The following SHPRH variants were observed in gnomAD, a reference collection of about 807,000 sequenced individuals.
SHPRH encodes the protein E3 ubiquitin-protein ligase SHPRH.
Under a neutral mutation model 202.5 loss-of-function variants are expected in SHPRH, and 106 were observed. That is an observed-to-expected ratio of 0.52 (90% CI 0.45 to 0.62). The LOEUF is 0.62. SHPRH is among the 20% of genes least tolerant of loss of function. The pLI is 0.00. For synonymous variants in SHPRH, 729 were observed against 686.0 expected (o/e 1.06, Z -0.98); for missense variants, 1,710 against 2,020.0 (o/e 0.85, Z 2.94).
chr6:145,922,876 GAAT>G lies in SHPRH; in HGVS notation c.3546-43_3546-41del, dbSNP rs770549737. ...AGCACCACACACAATACAAAGAAAA[GAAT>G]AATAGGTCAATTTCCTCAAATTCAG... On this transcript the variant is annotated intron_variant, in intron 18 of 29. Coordinates refer to ENST00000275233, the MANE Select transcript of SHPRH (RefSeq NM_001042683.3). 8 of 1,480,512 alleles carry G rather than the reference GAAT, an allele frequency of 5.4e-6. 1 individual carries two copies. The Admixed American group carries it at 1.7e-4, about 31-fold the overall frequency. 91.7% of individuals were successfully genotyped at this position (1,480,512 alleles called of 1,614,324 possible).
At chr6:145,927,154 CAG>C (rs1784955572) in intron 15 of SHPRH, 33 bp downstream of exon 15, 3 of 1,577,484 alleles carry the variant, frequency 1.9e-6, no homozygotes, top group South Asian at 1.1e-5. Context: ...AAAAAACAAA[CAG>C]AATACCTATG....
chr6:145,927,226 T>C lies in SHPRH; in HGVS notation c.3164A>G (p.Glu1055Gly). ...ELYREVLRSS[E>G]EHKGKLKTDS... is the part of the protein sequence containing the mutation. ...AGTTTTGAGTTTTCCTTTGTGTTCC[T>C]CCGAGGAGCGCAACACTTCTCTGTA... is the stretch of plus-strand genomic sequence containing the variant. Residue 1055 changes from glutamate to glycine, a missense_variant, in exon 15 of 30, where the codon GAG becomes GGG. Glu to Gly is a moderately conservative substitution (Grantham distance 98). This residue lies in a region of SHPRH where 288 missense variants were observed against 317.8 expected (regional missense o/e 0.91). Coordinates refer to ENST00000275233, the MANE Select transcript of SHPRH (RefSeq NM_001042683.3). 1.2e-6 allele frequency: 2 copies of C among 1,612,260 alleles called. No homozygotes were observed. The highest frequency in any genetic ancestry group is 1.3e-5 in the African/African-American group (1 of 74,992).
chr6:145,900,566 GATCT>G (rs1782410282), intron 25 of SHPRH, among the ~76,000 whole-genome samples: 1 of 152,062 alleles, frequency 6.6e-6, no homozygotes, highest in African/African-American at 2.4e-5. Context: ...CAGATCTAAA[GATCT>G]ATTATACAGC....
chr6:145,897,171 A>G (rs928569534), intron 25 of SHPRH, among the ~76,000 whole-genome samples: 1 of 151,912 alleles, frequency 6.6e-6, no homozygotes, highest in African/African-American at 2.4e-5. Flanking sequence ...AAGAAAAAAT[A>G]AGAGTAAAAT....
chr6:145,957,027 G>A (rs373794390), intron 1 of SHPRH, among the ~76,000 whole-genome samples: 5 of 152,112 alleles, frequency 3.3e-5, no homozygotes, highest in Non-Finnish European at 5.9e-5. Flanking sequence ...TGGTGCAGTA[G>A]TGGTGTAAAG....
downstream of SHPRH, among the ~76,000 whole-genome samples, chr6:145,879,811 C>A (rs1301520666): frequency 6.1e-5 from 9 of 146,726 alleles, no homozygotes; most frequent in Admixed American, 6.3e-4. Context: ...ACTCGGGAGG[C>A]TGAGGCAGGA....
chr6:145,879,742 G>C (rs905489467), intron 2 of SHPRH, among the ~76,000 whole-genome samples: 5 of 151,698 alleles, frequency 3.3e-5, no homozygotes, highest in African/African-American at 1.2e-4. Context: ...GAAACCCCGT[G>C]TTTACTAAAA....
At chr6:145,865,996 T>C (rs550067406) in intron 2 of SHPRH, among the ~76,000 whole-genome samples, 3 of 152,264 alleles carry the variant, frequency 2.0e-5, no homozygotes, top group African/African-American at 4.8e-5. Flanking sequence ...TATGCATTTA[T>C]GCATCCTTCC....
At chr6:145,941,950 C>G in intron 9 of SHPRH, 76 bp from the exon 10 acceptor site, 1 of 1,524,620 alleles carries the variant, frequency 6.6e-7, no homozygotes, top group Non-Finnish European at 8.9e-7. Context: ...CATTTATACC[C>G]TTACTAAGTC....
intron 25 of SHPRH, chr6:145,904,624 C>T (rs1188244992): frequency 6.6e-6 from 1 of 152,208 alleles, no homozygotes; most frequent in Non-Finnish European, 1.5e-5. Flanking sequence ...GCAAATGTGG[C>T]AGACACAAAT....
chr6:145,953,724 A>G (rs1254359859), intron 2 of SHPRH, among the ~76,000 whole-genome samples: 1 of 152,134 alleles, frequency 6.6e-6, no homozygotes, highest in African/African-American at 2.4e-5. Flanking sequence ...ACTTTCTTAC[A>G]TTATCTGGCC....
At position 145,943,715 on chromosome 6, in the gene SHPRH, A is replaced by G; in HGVS notation, c.1666T>C (p.Ser556Pro). The G allele has an allele frequency of 1.2e-6, 2 of 1,613,364 alleles. No homozygotes were observed. Among genetic ancestry groups the G allele is most frequent in the Non-Finnish European group, 8.5e-7 (1 of 1,179,758 alleles). The change falls in exon 9 of 30, where the codon TCT (serine) becomes CCT (proline). Residue 556 changes from serine to proline, a missense_variant. This residue lies in a region of SHPRH where 348 missense variants were observed against 356.9 expected (regional missense o/e 0.97). Coordinates refer to ENST00000275233, the MANE Select transcript of SHPRH (RefSeq NM_001042683.3). ...TDSEYLPSDTSDDDDDPYYYY... is the reference protein window; with the variant it reads ...TDSEYLPSDTPDDDDDPYYYY... Reference sequence around the variant, plus strand: ...TAGTAAGGATCATCATCATCATCAGAGGTGTCTGATGGCAAGTATTCAGAA... The same window carrying G: ...TAGTAAGGATCATCATCATCATCAGGGGTGTCTGATGGCAAGTATTCAGAA...
chr6:145,863,354 CA>C (rs1779644510), downstream of SHPRH, among the ~76,000 whole-genome samples: 5 of 152,112 alleles, frequency 3.3e-5, no homozygotes. Flanking sequence ...AGCCTGCTTG[CA>C]AAAGGGTAGA....
At chr6:145,924,929 T>A in intron 16 of SHPRH, 83 bp from the exon 17 acceptor site, 1 of 1,077,574 alleles carries the variant, frequency 9.3e-7, no homozygotes, top group South Asian at 1.4e-5. Flanking sequence ...ATGGGTCATT[T>A]TATACATTTA....
intron 14 of SHPRH, among the ~76,000 whole-genome samples, chr6:145,930,309 CT>C (rs890322039): frequency 6.6e-6 from 1 of 151,460 alleles, no homozygotes; most frequent in African/African-American, 2.4e-5. Flanking sequence ...TTCATTTGCT[CT>C]TTTTTTTTAA....
chr6:145,959,747 G>A (rs1356686455), intron 1 of SHPRH, among the ~76,000 whole-genome samples: 1 of 152,222 alleles, frequency 6.6e-6, no homozygotes, highest in Non-Finnish European at 1.5e-5. Context: ...GCTTGTTTAA[G>A]TCAATCATGA....
intron 14 of SHPRH, among the ~76,000 whole-genome samples, chr6:145,931,807 A>C (rs1785483028): frequency 6.6e-6 from 1 of 152,072 alleles, no homozygotes; most frequent in South Asian, 2.1e-4. Context: ...ACAATATTAT[A>C]CATCCACGTC....
At chr6:145,954,164 G>A (rs1425975292) in intron 2 of SHPRH, among the ~76,000 whole-genome samples, 1 of 151,754 alleles carries the variant, frequency 6.6e-6, no homozygotes, top group Non-Finnish European at 1.5e-5. Context: ...GGAACTATAA[G>A]AACAAAAGCA....
At chr6:145,938,342 T>A (rs557382373) in intron 11 of SHPRH, among the ~76,000 whole-genome samples, 2 of 152,312 alleles carry the variant, frequency 1.3e-5, no homozygotes, top group African/African-American at 4.8e-5. Flanking sequence ...AGTGTCATGC[T>A]CTTAGATGCG....
Sources: allele counts gnomAD v4.1 joint callset (sites outside exome capture counted in the v4.1 genomes callset), GRCh38; gene constraint gnomAD v4.1.1; regional missense constraint gnomAD v4.1.1; transcripts MANE v1.5; gene names NCBI Gene and HGNC (gene_info 2026-07-23, HGNC 2026-07-21).